The following RPS14 variants were observed in gnomAD, a reference collection of about 807,000 sequenced individuals.
RPS14 encodes small ribosomal subunit protein uS11.
In RPS14, 1 loss-of-function variant was observed where a neutral mutation model predicts 15.4. That is an observed-to-expected ratio of 0.07 (90% CI 0.02 to 0.31). RPS14 has a LOEUF of 0.31. Ranked by LOEUF, RPS14 falls within the 10% of genes least tolerant of loss-of-function variation. The pLI is 1.00. For missense variants in RPS14, 69 were observed against 205.5 expected (o/e 0.34, Z 4.06); for synonymous variants, 68 against 74.4 (o/e 0.91, Z 0.44).
At chr5:150,447,471 T>C (rs1180317380) in intron 2 of RPS14, 114 bp downstream of exon 2, 3 of 1,075,774 alleles carry the variant, frequency 2.8e-6, no homozygotes, top group Admixed American at 1.8e-5. Flanking sequence ...CACATTTTCT[T>C]ACCTGGACAA....
In RPS14 at chr5:150,446,205, T is replaced by G. The variant is rs1336299634; in HGVS notation, c.312-520A>C. On this transcript the variant is annotated intron_variant, in intron 3 of 4. Transcript: ENST00000407193. The surrounding 1 kb of genome is among the most constrained non-coding windows in gnomAD (Gnocchi z 4.2). ...GCTTGTTCACGCAACAGTCATCTATTTCAGCTTTCATGCCCCCATCACTCA... is the reference window on the plus strand; with the variant it reads ...GCTTGTTCACGCAACAGTCATCTATGTCAGCTTTCATGCCCCCATCACTCA... 6.6e-6 allele frequency among the ~76,000 whole-genome samples: 1 copy of G among 152,158 alleles called. No individual in the cohort carries two copies. Among genetic ancestry groups the G allele is most frequent in the African/African-American group, 2.4e-5 (1 of 41,426 alleles).
At chr5:150,444,468 C>G in intron 4 of RPS14, 115 bp from the exon 5 acceptor site, 1 of 791,370 alleles carries the variant, frequency 1.3e-6, no homozygotes, top group South Asian at 1.5e-5. Context: ...CCCCAAATGA[C>G]TCCCCAGTAC....
Position 150,442,862 on chromosome 5 carries a change from C to G in RPS14, c.*1424G>C, listed in dbSNP as rs1770976514. ...TACAGACGTGTGCCACCATGCCCAG[C>G]TAATTTTTTATTTTTTGTAGAGACG... On this transcript the variant is annotated 3_prime_UTR_variant, in exon 5 of 5. Coordinates refer to ENST00000407193, the MANE Select transcript of RPS14 (RefSeq NM_005617.4). 1 of 152,094 alleles carries G rather than the reference C, an allele frequency of 6.6e-6. No homozygotes were observed. The highest frequency in any genetic ancestry group is 2.4e-5 in the African/African-American group (1 of 41,394). The allele number at this position is 152,094 out of a possible 1,614,324, so 9.4% of individuals were successfully genotyped here.
Position 150,443,229 on chromosome 5 carries a change from T to C in RPS14, c.*1057A>G, listed in dbSNP as rs1056213451. On this transcript the variant is annotated 3_prime_UTR_variant, in exon 5 of 5. Transcript: ENST00000407193. Reference sequence around the variant, plus strand: ...ACAACGTGCAGGTTTGTTACATATGTATACATGTGCCATGTTGGTGTGCTG... The same window carrying C: ...ACAACGTGCAGGTTTGTTACATATGCATACATGTGCCATGTTGGTGTGCTG... 2 of 152,068 alleles carry C rather than the reference T, an allele frequency of 1.3e-5. No individual in the cohort carries two copies. Among genetic ancestry groups the C allele is most frequent in the Non-Finnish European group, 2.9e-5 (2 of 68,018 alleles). The allele number at this position is 152,068 out of a possible 1,614,324, so 9.4% of individuals were successfully genotyped here.
intron 1 of RPS14, chr5:150,449,066 A>G (rs1771191898): frequency 6.6e-6 from 1 of 152,236 alleles, no homozygotes; most frequent in African/African-American, 2.4e-5. Flanking sequence ...CGTTCCTAAC[A>G]TCCCCTAAAG....
rs369708453 is a variant in RPS14 at position 150,446,139 on chromosome 5, G to T, written c.312-454C>A. Among the ~76,000 whole-genome samples, 1 of 152,134 alleles carries T rather than the reference G, an allele frequency of 6.6e-6. No individual in the cohort carries two copies. Among genetic ancestry groups the T allele is most frequent in the Non-Finnish European group, 1.5e-5 (1 of 67,992 alleles). On this transcript the variant is annotated intron_variant, in intron 3 of 4. Transcript: ENST00000407193. This position sits in a 1 kb window ranked among gnomAD's most constrained non-coding sequence, Gnocchi z 4.2. ...CAGACAGTAAATATTTTAGGCTGAG[G>T]GGGCCACTATGGTTTGTTGTTATGT...
At chr5:150,444,852 T>G (rs1185982506) in intron 4 of RPS14, among the ~76,000 whole-genome samples, 1 of 126,002 alleles carries the variant, frequency 7.9e-6, no homozygotes, top group Non-Finnish European at 1.8e-5. Flanking sequence ...ATGGTGAAAC[T>G]CCCCGCTACA....
At chr5:150,448,052 G>C (rs1263342335) in intron 1 of RPS14, 1 of 258,690 alleles carries the variant, frequency 3.9e-6, no homozygotes, top group Non-Finnish European at 7.5e-6. Flanking sequence ...CACCCCAAAA[G>C]GCAAGAAGAA....
Position 150,445,694 on chromosome 5 carries a change from T to C in RPS14, c.312-9A>G, listed in dbSNP as rs1178849678. The C allele has an allele frequency of 1.9e-6, 3 of 1,604,132 alleles. No individual in the cohort carries two copies. Among genetic ancestry groups the C allele is most frequent in the African/African-American group, 1.4e-5 (1 of 74,018 alleles). On this transcript the variant is annotated splice_polypyrimidine_tract_variant and intron_variant, in intron 3 of 4. Transcript: ENST00000407193. ...GTCCAGGGGTCTTGGTCCTAGAAAA[T>C]GAAGGTTTAAGTTAAGAAGAGCCTT... is the stretch of plus-strand genomic sequence containing the variant.
At chr5:150,444,435 A>T in intron 4 of RPS14, 82 bp from the exon 5 acceptor site, 1 of 1,111,202 alleles carries the variant, frequency 9.0e-7, no homozygotes, top group Non-Finnish European at 1.4e-6. Context: ...TGGCCTAACC[A>T]ATCAGCAACA....
At chr5:150,447,426 G>T in intron 2 of RPS14, 159 bp downstream of exon 2, 1 of 737,648 alleles carries the variant, frequency 1.4e-6, no homozygotes, top group East Asian at 2.5e-5. Context: ...TGTAACCCCT[G>T]GGAAATCACA....
intron 1 of RPS14, chr5:150,448,668 A>G (rs188893396): frequency 5.2e-5 from 8 of 152,468 alleles, no homozygotes. Flanking sequence ...TGGCAAAACC[A>G]AACATAGAAA....
chr5:150,444,584 G>C (rs747173341), intron 4 of RPS14: 2 of 671,768 alleles, frequency 3.0e-6, no homozygotes, highest in South Asian at 3.0e-5. Context: ...TGAGCTGTGC[G>C]CAAGATGTCA....
chr5:150,444,153 CT>C lies in RPS14; in HGVS notation c.*132del, dbSNP rs34119373. On this transcript the variant is annotated 3_prime_UTR_variant, in exon 5 of 5. Coordinates refer to ENST00000407193, the MANE Select transcript of RPS14 (RefSeq NM_005617.4). ...CAGGATCTCAGCTCTCCTCAGGCTC[CT>C]TTCTCCCAAGAAGCCAAATAGGAGG... is the stretch of plus-strand genomic sequence containing the variant. The C allele has an allele frequency of 0.25, 351,772 of 1,392,912 alleles. 47,093 individuals are homozygous for C. The highest frequency in any genetic ancestry group is 0.39 in the South Asian group (26,076 of 67,610). 86.3% of individuals were successfully genotyped at this position (1,392,912 alleles called of 1,614,324 possible). A position where few individuals can be genotyped will look rare whatever the true frequency, so the allele number is the denominator to read the frequency against.
In RPS14 at chr5:150,446,906, G is replaced by A. The variant is rs201138474; in HGVS notation, c.207C>T (p.Ser69=). 6.2e-7 allele frequency: 1 copy of A among 1,614,212 alleles called. No homozygotes were observed. The highest frequency in any genetic ancestry group is 1.3e-5 in the African/African-American group (1 of 75,058). Residue 69 remains serine (S), a synonymous_variant, in exon 3 of 5, where the codon TCC becomes TCT. Transcript: ENST00000407193. The surrounding 1 kb of genome is among the most constrained non-coding windows in gnomAD (Gnocchi z 4.2). ...CAGCCAACATAGCAGCATATGGTGAGGATTCATCTCGGTCTGCCTTTACCT... is the reference window on the plus strand; with the variant it reads ...CAGCCAACATAGCAGCATATGGTGAAGATTCATCTCGGTCTGCCTTTACCT... The part of the protein sequence containing the change: ...GMKVKADRDE[S]SPYAAMLAAQ...
At chr5:150,448,501 G>A (rs1194287823) in intron 1 of RPS14, 1 of 152,240 alleles carries the variant, frequency 6.6e-6, no homozygotes, top group African/African-American at 2.4e-5. Flanking sequence ...GAAAGTGGAA[G>A]GCTAGGATAA....
At chr5:150,447,107 G>C in intron 2 of RPS14, 144 bp from the exon 3 acceptor site, 1 of 860,720 alleles carries the variant, frequency 1.2e-6, no homozygotes. Flanking sequence ...GTCCAGTGGG[G>C]TTGAATGGCC....
chr5:150,444,821 T>C (rs907145815), intron 4 of RPS14, among the ~76,000 whole-genome samples: 1 of 149,406 alleles, frequency 6.7e-6, no homozygotes, highest in African/African-American at 2.5e-5. Flanking sequence ...AGGCCAGGAG[T>C]TTGGGACCAA....
chr5:150,444,515 G>T (rs1012533949), intron 4 of RPS14, 162 bp from the exon 5 acceptor site: 4 of 682,902 alleles, frequency 5.9e-6, no homozygotes, highest in Non-Finnish European at 1.1e-5. Context: ...GGCCCCATCT[G>T]CCAGTTCCTC....
Sources: allele counts gnomAD v4.1 joint callset (sites outside exome capture counted in the v4.1 genomes callset), GRCh38; gene constraint gnomAD v4.1.1; non-coding constraint Gnocchi (gnomAD v3.1); transcripts MANE v1.5; gene names NCBI Gene and HGNC (gene_info 2026-07-23, HGNC 2026-07-21).